Variants in SMAP1 observed in about 807,000 individuals in gnomAD.
SMAP1 encodes the protein small ArfGAP 1.
In SMAP1, 24 loss-of-function variants were observed where a neutral mutation model predicts 58.5. The observed-to-expected ratio is 0.41, with a 90% CI of 0.30 to 0.58. The LOEUF (loss-of-function observed/expected upper bound fraction) is 0.58. Among genes scored for constraint, SMAP1 ranks in the 20% least tolerant of loss-of-function variants. The pLI is 0.29. For synonymous variants in SMAP1, 216 were observed against 196.6 expected (o/e 1.10, Z -0.82); for missense variants, 563 against 566.3 (o/e 0.99, Z 0.06).
intron 7 of SMAP1, 45 bp from the exon 8 acceptor site, chr6:70,852,495 A>G: frequency 1.4e-6 from 2 of 1,430,592 alleles, no homozygotes; most frequent in Non-Finnish European, 1.8e-6. Flanking sequence ...GTTTCAAGTA[A>G]TTTAAGATAT....
At chr6:70,849,561 T>G (rs1771109619) in intron 7 of SMAP1, among the ~76,000 whole-genome samples, 2 of 152,194 alleles carry the variant, frequency 1.3e-5, no homozygotes, top group South Asian at 4.1e-4. Flanking sequence ...GCTTTTATGG[T>G]GAAAATCTGG....
At chr6:70,805,398 C>T (rs928247783) in intron 6 of SMAP1, among the ~76,000 whole-genome samples, 5 of 152,286 alleles carry the variant, frequency 3.3e-5, no homozygotes, top group East Asian at 1.9e-4. Flanking sequence ...GTTAGCCATT[C>T]GTCTAACCTT....
chr6:70,811,130 G>A lies in SMAP1; in HGVS notation c.576+12393G>A, dbSNP rs1769369501. 3.9e-5 allele frequency among the ~76,000 whole-genome samples: 6 copies of A among 152,114 alleles called. No homozygotes were observed. In the South Asian group the frequency reaches 1.2e-3, roughly 31 times the overall value. On this transcript the variant is annotated intron_variant, in intron 6 of 10. Coordinates refer to ENST00000370455, the MANE Select transcript of SMAP1 (RefSeq NM_001044305.3). Reference sequence around the variant, plus strand: ...GATGCAGATAGAAGAACCTATACTTGATTACAAGACTTTAATTTGATTCTC... The same window carrying A: ...GATGCAGATAGAAGAACCTATACTTAATTACAAGACTTTAATTTGATTCTC...
At position 70,859,613 on chromosome 6, in the gene SMAP1, G is replaced by GT. The variant is rs575340332; in HGVS notation, c.1270-586dup. ...CCTTCTCTTATCACCAATTTTGGAAGTAAGAGAATCACAGGGTTAAGATGC... is the reference window on the plus strand; with the variant it reads ...CCTTCTCTTATCACCAATTTTGGAAGTTAAGAGAATCACAGGGTTAAGATGC... On this transcript the variant is annotated intron_variant, in intron 10 of 10. Coordinates refer to ENST00000370455, the MANE Select transcript of SMAP1 (RefSeq NM_001044305.3). 1,902 of 385,898 alleles carry GT rather than the reference G, an allele frequency of 4.9e-3. 15 individuals carry two copies. Among genetic ancestry groups the GT allele is most frequent in the South Asian group, 0.013 (225 of 17,000 alleles). The allele number at this position is 385,898 out of a possible 1,614,324, so 23.9% of individuals were successfully genotyped here.
At chr6:70,688,116 A>G (rs1249435558) in intron 1 of SMAP1, among the ~76,000 whole-genome samples, 1 of 152,134 alleles carries the variant, frequency 6.6e-6, no homozygotes, top group Non-Finnish European at 1.5e-5. Flanking sequence ...GACACATCCA[A>G]GTTTTTGCGT....
intron 4 of SMAP1, among the ~76,000 whole-genome samples, chr6:70,783,168 C>T (rs1049274746): frequency 7.9e-5 from 12 of 152,134 alleles, no homozygotes; most frequent in African/African-American, 2.2e-4. Flanking sequence ...CTGTAGCCAC[C>T]GCTGCTAATA....
intron 3 of SMAP1, among the ~76,000 whole-genome samples, chr6:70,765,677 T>C (rs1257682949): frequency 1.3e-5 from 2 of 152,192 alleles, no homozygotes; most frequent in African/African-American, 2.4e-5. Flanking sequence ...ATTTGTATGA[T>C]TGTATACTTG....
intron 1 of SMAP1, among the ~76,000 whole-genome samples, chr6:70,708,258 TC>T (rs896085892): frequency 6.6e-6 from 1 of 152,190 alleles, no homozygotes; most frequent in African/African-American, 2.4e-5. Context: ...AACCATAATG[TC>T]CCCCAGATTC....
At chr6:70,721,052 C>T (rs1768502173) in intron 1 of SMAP1, among the ~76,000 whole-genome samples, 1 of 152,186 alleles carries the variant, frequency 6.6e-6, no homozygotes, top group Non-Finnish European at 1.5e-5. Flanking sequence ...TTGTAGGCTT[C>T]TTGCTACTTA....
chr6:70,769,357 A>C (rs1382972609), intron 3 of SMAP1, among the ~76,000 whole-genome samples: 1 of 152,160 alleles, frequency 6.6e-6, no homozygotes, highest in East Asian at 1.9e-4. Context: ...GGGGTGTTAA[A>C]GTCTCCCATT....
At chr6:70,679,282 G>A (rs1766607270) in intron 1 of SMAP1, among the ~76,000 whole-genome samples, 1 of 152,132 alleles carries the variant, frequency 6.6e-6, no homozygotes, top group Non-Finnish European at 1.5e-5. Context: ...GCCTCCCAAA[G>A]TGCTGGGATT....
chr6:70,837,693 TTC>T, intron 7 of SMAP1: 1 of 722,830 alleles, frequency 1.4e-6, no homozygotes, highest in Non-Finnish European at 1.8e-6. Flanking sequence ...CATTTTTTTC[TTC>T]TAAAAGAATT....
chr6:70,815,276 A>G (rs546879572), intron 6 of SMAP1, among the ~76,000 whole-genome samples: 2 of 152,296 alleles, frequency 1.3e-5, no homozygotes, highest in East Asian at 1.9e-4. Context: ...ATTAAAGTCT[A>G]ATTTATTTGA....
At chr6:70,671,622 A>G (rs568617473) in intron 1 of SMAP1, among the ~76,000 whole-genome samples, 2 of 152,270 alleles carry the variant, frequency 1.3e-5, no homozygotes, top group East Asian at 3.9e-4. Flanking sequence ...TAAAATTCAC[A>G]TTGAGCGGTT....
At chr6:70,800,788 T>G (rs1768811332) in intron 6 of SMAP1, among the ~76,000 whole-genome samples, 1 of 152,034 alleles carries the variant, frequency 6.6e-6, no homozygotes, top group African/African-American at 2.4e-5. Flanking sequence ...GTCCTTGTGA[T>G]AGTTTGCTGA....
At chr6:70,715,086 CT>C (rs79570681) in intron 1 of SMAP1, among the ~76,000 whole-genome samples, 7,924 of 117,290 alleles carry the variant, frequency 0.068, 248 homozygotes, top group Non-Finnish European at 0.097. Context: ...GTGTGGGTTT[CT>C]TTTTTTTTTT....
At chr6:70,780,372 TTGAG>T (rs1393870819) in intron 4 of SMAP1, among the ~76,000 whole-genome samples, 1 of 152,100 alleles carries the variant, frequency 6.6e-6, no homozygotes, top group South Asian at 2.1e-4. Context: ...GTCCAGGAGT[TTGAG>T]ACCAGTTTGG....
intron 1 of SMAP1, among the ~76,000 whole-genome samples, chr6:70,718,744 C>T (rs112115559): frequency 2.0e-3 from 287 of 143,182 alleles, no homozygotes; most frequent in African/African-American, 7.0e-3. Flanking sequence ...TCCCTTGAAC[C>T]GGGAAGTAGA....
chr6:70,790,992 A>G (rs539011066), intron 4 of SMAP1, among the ~76,000 whole-genome samples: 1 of 152,286 alleles, frequency 6.6e-6, no homozygotes, highest in African/African-American at 2.4e-5. Context: ...CTTTTAGATG[A>G]AACCCATTTT....
Sources: gnomAD v4.1 joint callset for allele counts (sites outside exome capture counted in the v4.1 genomes callset) on GRCh38, gnomAD v4.1.1 for gene constraint, MANE v1.5 for transcripts, NCBI Gene and HGNC (gene_info 2026-07-23, HGNC 2026-07-21) for gene names.